Variants in NCAM2 observed in about 807,000 individuals in gnomAD.
NCAM2 encodes the protein N-CAM-2.
In NCAM2, 30 loss-of-function variants were observed where a neutral mutation model predicts 98.1. The ratio of observed to expected loss-of-function variants is 0.31; its 90% CI spans 0.23 to 0.41. NCAM2 has a LOEUF of 0.41. Ranked by LOEUF, NCAM2 falls within the 10% of genes least tolerant of loss-of-function variation. NCAM2 has a pLI of 1.00. For synonymous variants in NCAM2, 368 were observed against 342.4 expected (o/e 1.07, Z -0.83); for missense variants, 867 against 1,005.8 (o/e 0.86, Z 1.87).
At chr21:21,405,032 C>A (rs1158316759) in intron 9 of NCAM2, among the ~76,000 whole-genome samples, 1 of 151,854 alleles carries the variant, frequency 6.6e-6, no homozygotes, top group Non-Finnish European at 1.5e-5. Context: ...AAGTTTGTAA[C>A]TTTACCGGGA....
intron 1 of NCAM2, among the ~76,000 whole-genome samples, chr21:21,240,348 T>C (rs542689629): frequency 6.7e-6 from 1 of 148,530 alleles, no homozygotes; most frequent in East Asian, 2.0e-4. Context: ...TGCAAAAATA[T>C]ATTATATAAT....
chr21:21,445,908 A>G (rs1039990802), intron 12 of NCAM2, among the ~76,000 whole-genome samples: 8 of 152,144 alleles, frequency 5.3e-5, no homozygotes, highest in African/African-American at 1.9e-4. Context: ...AAACTAGTTG[A>G]TGCAGTTTCT....
intron 1 of NCAM2, among the ~76,000 whole-genome samples, chr21:21,215,710 A>G (rs1250819008): frequency 6.6e-6 from 1 of 152,004 alleles, no homozygotes; most frequent in Non-Finnish European, 1.5e-5. Flanking sequence ...CCTAGGCGAC[A>G]GAGCAAAGAT....
intron 5 of NCAM2, among the ~76,000 whole-genome samples, chr21:21,302,145 A>T (rs1018653174): frequency 2.0e-5 from 3 of 150,768 alleles, no homozygotes; most frequent in Non-Finnish European, 4.4e-5. Context: ...TCATGCTGCT[A>T]TAAAGACACA....
intron 16 of NCAM2, among the ~76,000 whole-genome samples, chr21:21,516,435 C>A (rs968701706): frequency 7.3e-5 from 11 of 151,630 alleles, no homozygotes; most frequent in Admixed American, 3.3e-4. Flanking sequence ...AAATGAAACG[C>A]CATATGCCAA....
At position 21,495,267 on chromosome 21, in the gene NCAM2, A is replaced by T. The variant is rs1378293413; in HGVS notation, c.2078-13584A>T. 3.3e-5 allele frequency among the ~76,000 whole-genome samples: 5 copies of T among 152,006 alleles called. No individual in the cohort carries two copies. The South Asian group carries it at 6.2e-4, about 19-fold the overall frequency. ...TAAAATATACCAATAGACTTTAATT[A>T]TGTAATTTTAATTCAACAACTAATC... On this transcript the variant is annotated intron_variant, in intron 15 of 17. Coordinates refer to ENST00000400546, the MANE Select transcript of NCAM2 (RefSeq NM_004540.5).
At chr21:21,513,599 G>T in intron 16 of NCAM2, among the ~76,000 whole-genome samples, 1 of 151,988 alleles carries the variant, frequency 6.6e-6, no homozygotes, top group East Asian at 1.9e-4. Flanking sequence ...TTCAAGAATT[G>T]TTTTGTGGCC....
At chr21:21,109,877 A>G (rs2066421227) in intron 1 of NCAM2, among the ~76,000 whole-genome samples, 1 of 152,216 alleles carries the variant, frequency 6.6e-6, no homozygotes, top group African/African-American at 2.4e-5. Context: ...TGCCAGTCAT[A>G]TAATGTAAAG....
chr21:21,209,634 T>C (rs2069570782), intron 1 of NCAM2, among the ~76,000 whole-genome samples: 1 of 152,182 alleles, frequency 6.6e-6, no homozygotes. Context: ...TATAGGTTAT[T>C]GCAGAGGTTG....
intron 12 of NCAM2, among the ~76,000 whole-genome samples, chr21:21,435,220 C>T (rs73214480): frequency 0.16 from 23,674 of 152,124 alleles, 1,866 homozygotes; most frequent in Middle Eastern, 0.18. Context: ...ATGTAAGAAA[C>T]TGCATTTCTT....
At chr21:21,157,623 T>A (rs2067655170) in intron 1 of NCAM2, among the ~76,000 whole-genome samples, 1 of 152,106 alleles carries the variant, frequency 6.6e-6, no homozygotes, top group South Asian at 2.1e-4. Context: ...TTATAAAATC[T>A]CCAGAGTGAG....
chr21:21,266,864 G>A (rs1473070201), intron 1 of NCAM2, among the ~76,000 whole-genome samples: 1 of 152,114 alleles, frequency 6.6e-6, no homozygotes, highest in Non-Finnish European at 1.5e-5. Context: ...AGAACTTAAA[G>A]TATAATAAAA....
At chr21:21,219,077 C>T (rs62209180) in intron 1 of NCAM2, among the ~76,000 whole-genome samples, 3,675 of 152,338 alleles carry the variant, frequency 0.024, 64 homozygotes, top group Admixed American at 0.044. Context: ...CCATGGCCCA[C>T]AGGCCACATG....
In NCAM2 at chr21:21,375,619, A is replaced by G. The variant is rs983046013; in HGVS notation, c.1195+1606A>G. ...ATTTCTTTTTCAGACCAACAACATC[A>G]TTAGCAAATTATAAATACTTTACAC... On this transcript the variant is annotated intron_variant, in intron 9 of 17. Transcript: ENST00000400546. 2.0e-5 allele frequency among the ~76,000 whole-genome samples: 3 copies of G among 151,764 alleles called. No homozygotes were observed. In the Admixed American group the frequency reaches 2.0e-4, roughly 10 times the overall value.
At chr21:21,190,626 A>T (rs1027459808) in intron 1 of NCAM2, among the ~76,000 whole-genome samples, 3 of 152,218 alleles carry the variant, frequency 2.0e-5, no homozygotes, top group Non-Finnish European at 4.4e-5. Flanking sequence ...TTCCACTGAC[A>T]TAATTCAGTT....
chr21:21,379,827 A>G (rs756966366), intron 9 of NCAM2, among the ~76,000 whole-genome samples: 1 of 152,054 alleles, frequency 6.6e-6, no homozygotes, highest in African/African-American at 2.4e-5. Context: ...ATATATATAT[A>G]TGAGTTTATT....
At chr21:21,111,443 G>A (rs374783628) in intron 1 of NCAM2, among the ~76,000 whole-genome samples, 4 of 152,128 alleles carry the variant, frequency 2.6e-5, no homozygotes, top group African/African-American at 7.2e-5. Context: ...CCCACAATGC[G>A]GAGGTCTGGA....
At chr21:21,365,392 CA>C (rs772066712) in intron 8 of NCAM2, among the ~76,000 whole-genome samples, 9 of 151,778 alleles carry the variant, frequency 5.9e-5, no homozygotes, top group Non-Finnish European at 1.3e-4. Flanking sequence ...AGCTTCAAAG[CA>C]AACCTCAAAG....
chr21:21,357,651 A>T (rs1159282835), intron 8 of NCAM2, among the ~76,000 whole-genome samples: 1 of 152,148 alleles, frequency 6.6e-6, no homozygotes, highest in East Asian at 1.9e-4. Context: ...GTGAGTAGTT[A>T]TACTTCTGGG....
Sources: gnomAD v4.1 joint callset for allele counts (sites outside exome capture counted in the v4.1 genomes callset) on GRCh38, gnomAD v4.1.1 for gene constraint, MANE v1.5 for transcripts, NCBI Gene and HGNC (gene_info 2026-07-23, HGNC 2026-07-21) for gene names.